STK32A: variants seen among roughly 807,000 people sequenced by gnomAD.
STK32A encodes the protein serine/threonine kinase 32A.
Under a neutral mutation model 53.2 loss-of-function variants are expected in STK32A, and 41 were observed. The ratio of observed to expected loss-of-function variants is 0.77; its 90% CI spans 0.60 to 1.00. STK32A has a LOEUF of 1.00. Among genes scored for constraint, STK32A ranks in the 50% least tolerant of loss-of-function variants. The pLI is 0.00. For missense variants in STK32A, 458 were observed against 485.8 expected (o/e 0.94, Z 0.54); for synonymous variants, 166 against 162.8 (o/e 1.02, Z -0.15).
intron 5 of STK32A, among the ~76,000 whole-genome samples, chr5:147,336,952 G>A (rs575724259): frequency 6.6e-6 from 1 of 152,300 alleles, no homozygotes; most frequent in African/African-American, 2.4e-5. Flanking sequence ...GTTGATTTTG[G>A]TTTCGATATA....
rs76121514 is a variant in STK32A at position 147,345,921 on chromosome 5, A to C, written c.472+2878A>C. On this transcript the variant is annotated intron_variant, in intron 6 of 12. Transcript: ENST00000397936. ...TTGAAAATCAATTGCTTTGGGAAGG[A>C]TTGTATATGAATGGTACAGAAGTGA... Among the ~76,000 whole-genome samples the C allele has an allele frequency of 8.0e-3, 1,222 of 152,286 alleles. 16 individuals carry two copies. Among genetic ancestry groups the C allele is most frequent in the African/African-American group, 0.027 (1,137 of 41,562 alleles).
intron 4 of STK32A, among the ~76,000 whole-genome samples, chr5:147,285,269 G>C (rs528635692): frequency 3.3e-5 from 5 of 152,106 alleles, no homozygotes; most frequent in African/African-American, 1.2e-4. Context: ...AATGAAACTG[G>C]ATCGTCATCT....
At chr5:147,379,870 G>A (rs1279344544) in intron 11 of STK32A, among the ~76,000 whole-genome samples, 1 of 152,064 alleles carries the variant, frequency 6.6e-6, no homozygotes, top group Non-Finnish European at 1.5e-5. Context: ...TCCCTTCTAA[G>A]TCATGTATGA....
chr5:147,400,721 G>A, the STK32A span: 2 of 1,614,022 alleles, frequency 1.2e-6, no homozygotes, highest in Non-Finnish European at 8.5e-7. Context: ...ACAGACATCC[G>A]CTCCTCCACA....
intron 2 of STK32A, among the ~76,000 whole-genome samples, chr5:147,267,029 CAAAAA>C (rs60526828): frequency 8.3e-6 from 1 of 121,124 alleles, no homozygotes; most frequent in Admixed American, 8.0e-5. Context: ...AACTCCATCT[CAAAAA>C]AAAAAAAAAA....
intron 4 of STK32A, among the ~76,000 whole-genome samples, chr5:147,320,563 A>G (rs1434078047): frequency 6.6e-6 from 1 of 152,234 alleles, no homozygotes; most frequent in African/African-American, 2.4e-5. Flanking sequence ...ATATACTGGG[A>G]ATGAAAGAAG....
chr5:147,293,332 A>C (rs760443607), intron 4 of STK32A, among the ~76,000 whole-genome samples: 4 of 152,118 alleles, frequency 2.6e-5, no homozygotes, highest in Non-Finnish European at 5.9e-5. Flanking sequence ...TAATCATATT[A>C]ATACATTTAT....
At chr5:147,331,153 T>C (rs1023178679) in intron 5 of STK32A, among the ~76,000 whole-genome samples, 5 of 152,170 alleles carry the variant, frequency 3.3e-5, no homozygotes, top group Admixed American at 6.5e-5. Context: ...TGGGAATGAG[T>C]CATCTGGAAA....
intron 2 of STK32A, among the ~76,000 whole-genome samples, chr5:147,241,269 G>C (rs1450034180): frequency 6.6e-6 from 1 of 152,178 alleles, no homozygotes; most frequent in Non-Finnish European, 1.5e-5. Flanking sequence ...ACGAGGTCAG[G>C]AGATCGAGAC....
intron 8 of STK32A, among the ~76,000 whole-genome samples, chr5:147,370,046 A>G (rs1756939518): frequency 6.6e-6 from 1 of 152,196 alleles, no homozygotes; most frequent in South Asian, 2.1e-4. Flanking sequence ...TTAAAACTGT[A>G]GAAGAACCTG....
intron 2 of STK32A, among the ~76,000 whole-genome samples, chr5:147,264,776 G>A (rs1042675744): frequency 1.3e-5 from 2 of 152,120 alleles, no homozygotes; most frequent in African/African-American, 4.8e-5. Flanking sequence ...GGGACATGGT[G>A]GAGATCACCC....
At chr5:147,262,204 C>T (rs1754603274) in intron 2 of STK32A, among the ~76,000 whole-genome samples, 1 of 152,086 alleles carries the variant, frequency 6.6e-6, no homozygotes, top group African/African-American at 2.4e-5. Context: ...AGGCAGAATC[C>T]TCACCCCACT....
intron 2 of STK32A, among the ~76,000 whole-genome samples, chr5:147,275,183 C>CAT (rs2151953052): frequency 6.6e-6 from 1 of 152,102 alleles, no homozygotes; most frequent in South Asian, 2.1e-4. Context: ...ATTCTGACTT[C>CAT]ATCTCTCTCT....
intron 7 of STK32A, among the ~76,000 whole-genome samples, chr5:147,352,974 T>C (rs898441455): frequency 2.6e-5 from 4 of 152,164 alleles, no homozygotes; most frequent in African/African-American, 9.7e-5. Context: ...CAAGTCCCAA[T>C]AGAGCTCAAC....
At chr5:147,397,588 T>C in the STK32A span, 4 of 1,461,662 alleles carry the variant, frequency 2.7e-6, no homozygotes, top group Non-Finnish European at 3.7e-6. Flanking sequence ...CACAGTGCCC[T>C]GTGTTCATGG....
chr5:147,247,172 A>G (rs1753797506), intron 2 of STK32A, among the ~76,000 whole-genome samples: 1 of 152,232 alleles, frequency 6.6e-6, no homozygotes, highest in Admixed American at 6.5e-5. Flanking sequence ...ATGGGAGTGC[A>G]GGCCTTCATG....
rs138494888 is a variant in STK32A at position 147,383,592 on chromosome 5, A to G, written c.1097+87A>G. 1.5e-4 allele frequency: 171 copies of G among 1,118,832 alleles called. No homozygotes were observed. The African/African-American group carries it at 2.5e-3, about 16-fold the overall frequency. 69.3% of individuals were successfully genotyped at this position (1,118,832 alleles called of 1,614,324 possible). A position where few individuals can be genotyped will look rare whatever the true frequency, so the allele number is the denominator to read the frequency against. On this transcript the variant is annotated intron_variant, in intron 12 of 12. Coordinates refer to ENST00000397936, the MANE Select transcript of STK32A (RefSeq NM_001112724.2). ...CTTGCAGAGAAAATATATTTTTAAC[A>G]TTTTAAAAATTATTTTCTAATTGGG...
intron 2 of STK32A, among the ~76,000 whole-genome samples, chr5:147,265,016 T>A (rs1173942319): frequency 3.3e-5 from 5 of 151,470 alleles, no homozygotes; most frequent in African/African-American, 1.2e-4. Flanking sequence ...ATCGTGGTTA[T>A]CTTTAGATGG....
chr5:147,255,465 T>C (rs1202214226), intron 2 of STK32A, among the ~76,000 whole-genome samples: 1 of 152,144 alleles, frequency 6.6e-6, no homozygotes, highest in South Asian at 2.1e-4. Flanking sequence ...GAAGTAAGAA[T>C]TGAGGCTATT....
Sources: gnomAD v4.1 joint callset for allele counts (sites outside exome capture counted in the v4.1 genomes callset) on GRCh38, gnomAD v4.1.1 for gene constraint, MANE v1.5 for transcripts, NCBI Gene and HGNC (gene_info 2026-07-23, HGNC 2026-07-21) for gene names.